The following EYS variants were observed in gnomAD, a reference collection of about 807,000 sequenced individuals.
EYS encodes the protein protein eyes shut homolog.
Under a neutral mutation model 282.1 loss-of-function variants are expected in EYS, and 250 were observed. The observed-to-expected ratio is 0.89, with a 90% CI of 0.80 to 0.98. The LOEUF is 0.98. Ranked by LOEUF, EYS falls within the 50% of genes least tolerant of loss-of-function variation. EYS has a pLI of 0.00. For synonymous variants in EYS, 1,355 were observed against 1,282.9 expected, an observed-to-expected ratio of 1.06 and a Z score of -1.20; for missense variants, 4,016 against 3,709.0, an observed-to-expected ratio of 1.08 and a Z score of -2.15.
intron 33 of EYS, among the ~76,000 whole-genome samples, chr6:64,003,231 G>A (rs1768183037): frequency 6.6e-6 from 1 of 152,160 alleles, no homozygotes; most frequent in Non-Finnish European, 1.5e-5. Context: ...TTTCTCACTT[G>A]TTTGTGGGAG....
chr6:64,826,506 G>A (rs934760782), intron 19 of EYS, among the ~76,000 whole-genome samples: 13 of 151,336 alleles, frequency 8.6e-5, no homozygotes, highest in Admixed American at 2.0e-4. Flanking sequence ...TTACTAGTCC[G>A]CCTCAACATC....
chr6:63,989,326 A>T (rs1341057150), intron 34 of EYS, among the ~76,000 whole-genome samples: 3 of 151,704 alleles, frequency 2.0e-5, no homozygotes, highest in Non-Finnish European at 3.0e-5. Context: ...AATGTTGGAT[A>T]AAGTGTTTCA....
chr6:65,542,107 T>C (rs9363388), intron 2 of EYS, among the ~76,000 whole-genome samples: 31,527 of 152,046 alleles, frequency 0.21, 3,656 homozygotes, highest in East Asian at 0.31. Context: ...TCATTTATTC[T>C]AAATATACAG....
At position 63,789,083 on chromosome 6, in the gene EYS, T is replaced by G. The variant is rs1482824242; in HGVS notation, c.7553A>C (p.Lys2518Thr). Residue 2518 changes from lysine (K) to threonine (T), a missense_variant, in exon 38 of 43, where the codon AAG (lysine) becomes ACG (threonine). Physicochemically the swap from Lys to Thr is moderately conservative, Grantham distance 78. Coordinates refer to ENST00000503581, the MANE Select transcript of EYS (RefSeq NM_001142800.2). ...CTTCAGCCAGCCCTCTTGGAAGAAC[T>G]TGCCCAGATGAACAGTGTGGACTCC... is the stretch of plus-strand genomic sequence containing the variant. ...SLGVHTVHLG[K>T]FFQEGWLKVD... 4 of 1,551,602 alleles carry G rather than the reference T, an allele frequency of 2.6e-6. No individual in the cohort carries two copies. The highest frequency in any genetic ancestry group is 1.7e-4 in the Middle Eastern group (1 of 5,990).
At chr6:64,509,558 C>A (rs79258089) in intron 26 of EYS, among the ~76,000 whole-genome samples, 1 of 152,040 alleles carries the variant, frequency 6.6e-6, no homozygotes, top group Admixed American at 6.6e-5. Context: ...TATAGACTGC[C>A]GTCATTGCTA....
chr6:64,792,005 A>G (rs1774206622), intron 22 of EYS, among the ~76,000 whole-genome samples: 1 of 151,882 alleles, frequency 6.6e-6, no homozygotes, highest in East Asian at 1.9e-4. Flanking sequence ...CATCACTCAC[A>G]ATATAACTAT....
chr6:63,955,885 C>A (rs1460893070), intron 35 of EYS, among the ~76,000 whole-genome samples: 2 of 152,074 alleles, frequency 1.3e-5, no homozygotes, highest in Non-Finnish European at 2.9e-5. Flanking sequence ...TCTTCCATTT[C>A]ATTTCTCAAT....
intron 5 of EYS, among the ~76,000 whole-genome samples, chr6:65,438,723 T>G (rs1768185199): frequency 6.6e-6 from 1 of 152,198 alleles, no homozygotes; most frequent in Non-Finnish European, 1.5e-5. Context: ...CTTGTAAGTT[T>G]GTTTCAGTTC....
chr6:64,329,469 T>C (rs1313868199), intron 29 of EYS, among the ~76,000 whole-genome samples: 1 of 151,994 alleles, frequency 6.6e-6, no homozygotes, highest in African/African-American at 2.4e-5. Context: ...CTATGAGAGA[T>C]GCAAAATTTG....
At chr6:64,600,108 A>G (rs992787170) in intron 24 of EYS, among the ~76,000 whole-genome samples, 2 of 151,914 alleles carry the variant, frequency 1.3e-5, no homozygotes, top group Non-Finnish European at 2.9e-5. Context: ...TACAGAAAAA[A>G]CCCAGCATCC....
chr6:64,117,731 G>A (rs1405894642), intron 31 of EYS, among the ~76,000 whole-genome samples: 1 of 151,732 alleles, frequency 6.6e-6, no homozygotes, highest in Non-Finnish European at 1.5e-5. Context: ...AAAATAAAGG[G>A]TATACAAATT....
intron 35 of EYS, among the ~76,000 whole-genome samples, chr6:63,927,851 C>G (rs939551245): frequency 6.6e-6 from 1 of 152,146 alleles, no homozygotes; most frequent in African/African-American, 2.4e-5. Flanking sequence ...GAAGGAATAG[C>G]TTTTTATAGT....
At chr6:65,252,122 A>G (rs1238974397) in intron 12 of EYS, among the ~76,000 whole-genome samples, 1 of 151,898 alleles carries the variant, frequency 6.6e-6, no homozygotes, top group Non-Finnish European at 1.5e-5. Flanking sequence ...ATGGAAGTGA[A>G]GAGCAGAGTA....
At chr6:63,819,431 T>C (rs924195453) in intron 36 of EYS, among the ~76,000 whole-genome samples, 7 of 152,188 alleles carry the variant, frequency 4.6e-5, no homozygotes, top group African/African-American at 1.7e-4. Context: ...AGTGGGTCTT[T>C]AGGGATGATC....
intron 26 of EYS, among the ~76,000 whole-genome samples, chr6:64,582,093 G>A (rs1766088371): frequency 6.6e-6 from 1 of 152,138 alleles, no homozygotes; most frequent in Admixed American, 6.6e-5. Context: ...TTCTGGGCTT[G>A]CTATGTGTGA....
At chr6:65,151,860 T>A (rs1764618827) in intron 12 of EYS, among the ~76,000 whole-genome samples, 1 of 151,996 alleles carries the variant, frequency 6.6e-6, no homozygotes, top group Admixed American at 6.6e-5. Flanking sequence ...CAGTGTTAAA[T>A]TTGTTATTTA....
intron 41 of EYS, among the ~76,000 whole-genome samples, chr6:63,739,407 G>C (rs897140494): frequency 1.3e-5 from 2 of 152,132 alleles, no homozygotes; most frequent in Non-Finnish European, 2.9e-5. Context: ...AAAGTGGCCA[G>C]GTCTTTGGAG....
At chr6:64,690,228 T>G (rs1239589896) in intron 22 of EYS, among the ~76,000 whole-genome samples, 1 of 151,830 alleles carries the variant, frequency 6.6e-6, no homozygotes, top group African/African-American at 2.4e-5. Flanking sequence ...CATGAAAAAA[T>G]GCTCATCATC....
At chr6:65,256,441 C>A (rs1057326026) in intron 12 of EYS, among the ~76,000 whole-genome samples, 2 of 134,270 alleles carry the variant, frequency 1.5e-5, no homozygotes, top group Non-Finnish European at 3.1e-5. Context: ...CACCACAGTC[C>A]CCAGAGTGTG....
Sources: allele counts gnomAD v4.1 joint callset (sites outside exome capture counted in the v4.1 genomes callset), GRCh38; gene constraint gnomAD v4.1.1; transcripts MANE v1.5; gene names NCBI Gene and HGNC (gene_info 2026-07-23, HGNC 2026-07-21).